Variants in DST observed in about 807,000 individuals in gnomAD.
The protein encoded by DST is bullous pemphigoid antigen.
DST carries 253 observed loss-of-function variants against 875.2 expected under a neutral mutation model. The observed-to-expected ratio is 0.29, with a 90% CI of 0.26 to 0.32. The LOEUF is 0.32. Among genes scored for constraint, DST ranks in the 10% least tolerant of loss-of-function variants. DST has a pLI of 1.00. For synonymous variants in DST, 3,124 were observed against 3,197.1 expected (o/e 0.98, Z 0.77); for missense variants, 8,287 against 9,111.6 (o/e 0.91, Z 3.68).
intron 4 of DST, among the ~76,000 whole-genome samples, chr6:56,815,723 A>G (rs1218783654): frequency 6.6e-6 from 1 of 152,196 alleles, no homozygotes; most frequent in Admixed American, 6.5e-5. Context: ...CTGACCCTGA[A>G]AGTAGATTAT....
chr6:56,752,791 GT>G (rs952682228), intron 4 of DST, among the ~76,000 whole-genome samples: 7 of 151,418 alleles, frequency 4.6e-5, no homozygotes, highest in African/African-American at 1.7e-4. Flanking sequence ...GAGTTTTTTT[GT>G]TTTTTTTGTT....
intron 5 of DST, among the ~76,000 whole-genome samples, chr6:56,732,101 G>A (rs1056881289): frequency 1.3e-5 from 2 of 152,154 alleles, no homozygotes; most frequent in African/African-American, 4.8e-5. Flanking sequence ...TAATTTTAAT[G>A]GGTTCTAGTT....
chr6:56,764,581 T>C (rs2099627931), intron 4 of DST, among the ~76,000 whole-genome samples: 1 of 152,180 alleles, frequency 6.6e-6, no homozygotes, highest in African/African-American at 2.4e-5. Context: ...GTAAACACAC[T>C]GCCTAGCTGA....
chr6:56,779,679 A>G (rs1196929886), intron 4 of DST, among the ~76,000 whole-genome samples: 1 of 151,672 alleles, frequency 6.6e-6, no homozygotes, highest in East Asian at 1.9e-4. Flanking sequence ...AGGTTTGTCA[A>G]AGATCAGATG....
intron 54 of DST, 66 bp from the exon 55 acceptor site, chr6:56,568,661 T>C (rs914576928): frequency 4.1e-5 from 55 of 1,352,900 alleles, no homozygotes; most frequent in Non-Finnish European, 5.3e-5. Context: ...TATAATTCAG[T>C]TTCTTAAACA....
intron 98 of DST, among the ~76,000 whole-genome samples, chr6:56,468,596 A>G (rs2094710883): frequency 6.6e-6 from 1 of 152,160 alleles, no homozygotes; most frequent in Admixed American, 6.5e-5. Flanking sequence ...TGTAGACCGT[A>G]TGTCCTAAAC....
intron 2 of DST, among the ~76,000 whole-genome samples, chr6:56,910,806 C>T (rs1204818141): frequency 1.3e-5 from 2 of 152,154 alleles, no homozygotes; most frequent in African/African-American, 4.8e-5. Context: ...TTTAGATAAA[C>T]TTTCACAGGT....
At chr6:56,501,794 C>A in intron 78 of DST, 101 bp from the exon 79 acceptor site, 1 of 836,758 alleles carries the variant, frequency 1.2e-6, no homozygotes, top group Non-Finnish European at 1.7e-6. Flanking sequence ...ACACTACTTA[C>A]TGAGGGGAGG....
chr6:56,592,061 A>C, intron 49 of DST, 121 bp downstream of exon 49: 3 of 840,602 alleles, frequency 3.6e-6, no homozygotes, highest in Non-Finnish European at 5.6e-6. Flanking sequence ...CTCTGGAGGC[A>C]GAAGTATACT....
At chr6:56,514,390 T>C (rs1006122202) in intron 72 of DST, among the ~76,000 whole-genome samples, 2 of 152,120 alleles carry the variant, frequency 1.3e-5, no homozygotes, top group Non-Finnish European at 2.9e-5. Context: ...TAAAGTGTGG[T>C]CTCTAAAACT....
At position 56,594,255 on chromosome 6, in the gene DST, T is replaced by C. The variant is rs79670153; in HGVS notation, c.12196-62A>G. The C allele has an allele frequency of 3.9e-3, 5,394 of 1,378,792 alleles. 174 individuals are homozygous for C. In the African/African-American group the frequency reaches 0.068, roughly 17 times the overall value. The allele number at this position is 1,378,792 out of a possible 1,614,324, so 85.4% of individuals were successfully genotyped here. On this transcript the variant is annotated intron_variant, in intron 47 of 103. Transcript: ENST00000680361. ...TAACGGGGTAACACCTGCAGGGAGC[T>C]CCTTGCCGCCTCAAGACTGACAGGT...
At chr6:56,924,488 G>A (rs747279601) in intron 2 of DST, among the ~76,000 whole-genome samples, 64 of 152,122 alleles carry the variant, frequency 4.2e-4, no homozygotes, top group Non-Finnish European at 7.8e-4. Context: ...CAGCTTTTCT[G>A]TGTTCAAAGA....
intron 9 of DST, 39 bp from the exon 10 acceptor site, chr6:56,670,846 G>A: frequency 7.0e-7 from 1 of 1,431,286 alleles, no homozygotes; most frequent in Non-Finnish European, 9.4e-7. Context: ...TAGGAAGGAA[G>A]GAAGCTAACT....
intron 86 of DST, 26 bp downstream of exon 86, chr6:56,489,464 T>C: frequency 1.2e-6 from 2 of 1,601,882 alleles, no homozygotes; most frequent in Non-Finnish European, 1.7e-6. Flanking sequence ...AATGAGACAA[T>C]ATGCTCTTCT....
At chr6:56,507,965 A>C (rs2096376031) in intron 75 of DST, among the ~76,000 whole-genome samples, 1 of 152,104 alleles carries the variant, frequency 6.6e-6, no homozygotes, top group Non-Finnish European at 1.5e-5. Flanking sequence ...AGAAAGAGAG[A>C]GATAATAAGG....
intron 5 of DST, among the ~76,000 whole-genome samples, chr6:56,725,849 C>T (rs1352082116): frequency 6.6e-6 from 1 of 152,046 alleles, no homozygotes; most frequent in African/African-American, 2.4e-5. Flanking sequence ...TATACATATG[C>T]AGCAGCAAAA....
chr6:56,738,214 C>A (rs556252922), intron 4 of DST, among the ~76,000 whole-genome samples: 1 of 152,150 alleles, frequency 6.6e-6, no homozygotes, highest in African/African-American at 2.4e-5. Flanking sequence ...TTCAGTGCCC[C>A]CAACTTCTAA....
intron 75 of DST, among the ~76,000 whole-genome samples, chr6:56,507,599 G>GCCAAACTCCCTCCCT (rs1163744414): frequency 6.6e-6 from 1 of 152,188 alleles, no homozygotes; most frequent in African/African-American, 2.4e-5. Context: ...CCAGTAGAGT[G>GCCAAACTCCCTCCCT]GCAGGAAGGA....
intron 36 of DST, chr6:56,616,905 T>A (rs2098631231): frequency 6.2e-7 from 1 of 1,611,876 alleles, no homozygotes; most frequent in African/African-American, 1.3e-5. Flanking sequence ...ACAGAATATG[T>A]CTGACCTGAA....
Sources: gnomAD v4.1 joint callset for allele counts (sites outside exome capture counted in the v4.1 genomes callset) on GRCh38, gnomAD v4.1.1 for gene constraint, MANE v1.5 for transcripts, NCBI Gene and HGNC (gene_info 2026-07-23, HGNC 2026-07-21) for gene names.